Variants in CTNNA3 observed in about 807,000 individuals in gnomAD.
The protein encoded by CTNNA3 is catenin alpha 3.
Under a neutral mutation model 95.7 loss-of-function variants are expected in CTNNA3, and 76 were observed. The observed-to-expected ratio is 0.79, with a 90% CI of 0.66 to 0.96. The LOEUF (loss-of-function observed/expected upper bound fraction) is 0.96. Ranked by LOEUF, CTNNA3 falls within the 40% of genes least tolerant of loss-of-function variation. The pLI is 0.00. For synonymous variants in CTNNA3, 431 were observed against 374.4 expected (o/e 1.15, Z -1.74); for missense variants, 1,191 against 1,089.8 (o/e 1.09, Z -1.31).
intron 13 of CTNNA3, among the ~76,000 whole-genome samples, chr10:66,135,718 T>C (rs2083310152): frequency 2.0e-5 from 3 of 152,138 alleles, no homozygotes; most frequent in Admixed American, 6.6e-5. Flanking sequence ...TTCTTCACAA[T>C]GCGGAGATAT....
At chr10:66,419,818 G>A (rs1360397726) in intron 11 of CTNNA3, among the ~76,000 whole-genome samples, 2 of 152,046 alleles carry the variant, frequency 1.3e-5, no homozygotes, top group African/African-American at 4.8e-5. Flanking sequence ...ATAGTGCTGG[G>A]GAAATTGAAC....
At chr10:65,983,772 T>C (rs889729750) in intron 16 of CTNNA3, among the ~76,000 whole-genome samples, 1 of 151,362 alleles carries the variant, frequency 6.6e-6, no homozygotes, top group African/African-American at 2.4e-5. Flanking sequence ...AAACAGAAGG[T>C]TTTAGTTCTT....
At chr10:65,943,178 C>T (rs868384177) in intron 17 of CTNNA3, among the ~76,000 whole-genome samples, 1 of 152,122 alleles carries the variant, frequency 6.6e-6, no homozygotes, top group Non-Finnish European at 1.5e-5. Context: ...ATCCTTCTGC[C>T]TCAGCTTCCC....
At chr10:66,030,688 A>C (rs2079432519) in intron 15 of CTNNA3, among the ~76,000 whole-genome samples, 1 of 152,204 alleles carries the variant, frequency 6.6e-6, no homozygotes, top group Admixed American at 6.5e-5. Context: ...ACTTGCAACA[A>C]AAATAAAAAT....
At chr10:65,978,403 C>G (rs909854949) in intron 16 of CTNNA3, among the ~76,000 whole-genome samples, 1 of 151,680 alleles carries the variant, frequency 6.6e-6, no homozygotes, top group East Asian at 1.9e-4. Context: ...TAGTTTTACA[C>G]CAGCCTTCCC....
At chr10:66,190,177 A>C (rs2086593290) in intron 13 of CTNNA3, among the ~76,000 whole-genome samples, 1 of 152,166 alleles carries the variant, frequency 6.6e-6, no homozygotes, top group Admixed American at 6.6e-5. Flanking sequence ...ATCAGTAGCA[A>C]AGAAGTGATT....
chr10:66,290,886 T>C (rs2132192150), intron 12 of CTNNA3, among the ~76,000 whole-genome samples: 1 of 152,260 alleles, frequency 6.6e-6, no homozygotes, highest in East Asian at 1.9e-4. Flanking sequence ...CAACACTTGT[T>C]TTAGAAACAA....
intron 15 of CTNNA3, among the ~76,000 whole-genome samples, chr10:65,993,627 A>G (rs940743301): frequency 6.6e-6 from 1 of 152,040 alleles, no homozygotes; most frequent in Non-Finnish European, 1.5e-5. Flanking sequence ...CTTTCATTCT[A>G]TATGTCTTTA....
At chr10:67,580,416 T>C (rs1444452084) in intron 3 of CTNNA3, among the ~76,000 whole-genome samples, 3 of 151,814 alleles carry the variant, frequency 2.0e-5, no homozygotes, top group South Asian at 2.1e-4. Flanking sequence ...CATTGGTTGA[T>C]ATCCCTGTTT....
intron 15 of CTNNA3, among the ~76,000 whole-genome samples, chr10:66,066,689 C>T (rs1434556392): frequency 6.6e-6 from 1 of 152,074 alleles, no homozygotes; most frequent in African/African-American, 2.4e-5. Flanking sequence ...TCTCACTTTC[C>T]AATGAAATCT....
chr10:67,415,742 A>C (rs78447246), intron 5 of CTNNA3, among the ~76,000 whole-genome samples: 1 of 152,184 alleles, frequency 6.6e-6, no homozygotes, highest in Non-Finnish European at 1.5e-5. Context: ...CCCAACATGA[A>C]ACTGTACTAC....
chr10:66,770,028 A>G (rs115727645), intron 8 of CTNNA3, among the ~76,000 whole-genome samples: 53 of 152,210 alleles, frequency 3.5e-4, no homozygotes, highest in African/African-American at 1.2e-3. Flanking sequence ...AGAGACTCCA[A>G]TGTCTTATGT....
intron 13 of CTNNA3, among the ~76,000 whole-genome samples, chr10:66,157,182 C>A (rs192575988): frequency 6.6e-6 from 1 of 151,948 alleles, no homozygotes; most frequent in Admixed American, 6.6e-5. Flanking sequence ...AGTGTTTTAT[C>A]CCTCGTCCCC....
chr10:67,088,652 G>A (rs751733796), intron 7 of CTNNA3, among the ~76,000 whole-genome samples: 46 of 152,064 alleles, frequency 3.0e-4, no homozygotes, highest in South Asian at 1.0e-3. Context: ...CTTTCAAATA[G>A]AACTCTTAAG....
chr10:67,138,876 T>C (rs1262882916), intron 7 of CTNNA3, among the ~76,000 whole-genome samples: 1 of 152,186 alleles, frequency 6.6e-6, no homozygotes, highest in Non-Finnish European at 1.5e-5. Flanking sequence ...CATCCATCTA[T>C]AGGGGTAGGG....
rs546168935 is a variant in CTNNA3 at position 67,413,993 on chromosome 10, A to C, written c.579+107849T>G. Among the ~76,000 whole-genome samples the C allele has an allele frequency of 3.9e-5, 6 of 152,270 alleles. No individual in the cohort carries two copies. The South Asian group carries it at 1.2e-3, about 32-fold the overall frequency. ...TTCATCAAGAAGTTAGAAAGGTCTC[A>C]AATTAACAAACTAACTTTGCACCTA... On this transcript the variant is annotated intron_variant, in intron 5 of 17. Coordinates refer to ENST00000433211, the MANE Select transcript of CTNNA3 (RefSeq NM_013266.4).
At chr10:67,710,085 G>A (rs1465220134) in intron 1 of CTNNA3, among the ~76,000 whole-genome samples, 1 of 151,914 alleles carries the variant, frequency 6.6e-6, no homozygotes, top group African/African-American at 2.4e-5. Flanking sequence ...GTTTACAAGG[G>A]CCCCAAGACT....
chr10:66,723,399 A>T (rs1174529177), intron 9 of CTNNA3, among the ~76,000 whole-genome samples: 1 of 151,370 alleles, frequency 6.6e-6, no homozygotes, highest in Non-Finnish European at 1.5e-5. Context: ...CAATAGCACT[A>T]CAGTTAACAC....
In CTNNA3 at chr10:65,944,765, G is replaced by A. The variant is rs373188952; in HGVS notation, c.2400+21847C>T. Among the ~76,000 whole-genome samples the A allele has an allele frequency of 7.9e-5, 12 of 152,138 alleles. No individual in the cohort carries two copies. The East Asian group carries it at 1.2e-3, about 15-fold the overall frequency. On this transcript the variant is annotated intron_variant, in intron 17 of 17. Transcript: ENST00000433211. ...TTAAATTAAATGGTACAAAGGGGAG[G>A]CTTGTTTCATAGACTCCAGTAATTG...
Sources: gnomAD v4.1 joint callset for allele counts (sites outside exome capture counted in the v4.1 genomes callset) on GRCh38, gnomAD v4.1.1 for gene constraint, MANE v1.5 for transcripts, NCBI Gene and HGNC (gene_info 2026-07-23, HGNC 2026-07-21) for gene names.